MAGI2: variants seen among roughly 807,000 people sequenced by gnomAD.
MAGI2 encodes the protein membrane-associated guanylate kinase, WW and PDZ domain-containing protein 2.
In MAGI2, 35 loss-of-function variants were observed where a neutral mutation model predicts 133.3. The ratio of observed to expected loss-of-function variants is 0.26; its 90% CI spans 0.20 to 0.35. The LOEUF (loss-of-function observed/expected upper bound fraction) is 0.35. Ranked by LOEUF, MAGI2 falls within the 10% of genes least tolerant of loss-of-function variation. MAGI2 has a pLI of 1.00. For synonymous variants in MAGI2, 729 were observed against 710.6 expected, an observed-to-expected ratio of 1.03 and a Z score of -0.41; for missense variants, 1,636 against 1,863.4, an observed-to-expected ratio of 0.88 and a Z score of 2.25.
intron 1 of MAGI2, among the ~76,000 whole-genome samples, chr7:79,267,593 C>T (rs887629546): frequency 1.3e-5 from 2 of 152,138 alleles, no homozygotes; most frequent in Non-Finnish European, 2.9e-5. Context: ...TAAGTTGCTG[C>T]CATACTCTTT....
intron 2 of MAGI2, among the ~76,000 whole-genome samples, chr7:78,924,001 T>C (rs1402021808): frequency 2.6e-5 from 4 of 152,272 alleles, no homozygotes; most frequent in Non-Finnish European, 5.9e-5. Flanking sequence ...TGTTTGTCTG[T>C]TATTGGTGTA....
At chr7:78,089,880 C>T (rs2151213797) in intron 20 of MAGI2, among the ~76,000 whole-genome samples, 1 of 152,278 alleles carries the variant, frequency 6.6e-6, no homozygotes, top group South Asian at 2.1e-4. Flanking sequence ...CAAACACCTC[C>T]CCTCCTGCCC....
intron 2 of MAGI2, among the ~76,000 whole-genome samples, chr7:78,703,507 TAC>T (rs1383430981): frequency 1.3e-5 from 2 of 152,062 alleles, no homozygotes; most frequent in Non-Finnish European, 2.9e-5. Context: ...TGGATACAGA[TAC>T]AGTTTTTCAT....
chr7:79,120,365 A>G (rs1456594640), intron 1 of MAGI2, among the ~76,000 whole-genome samples: 2 of 152,066 alleles, frequency 1.3e-5, no homozygotes, highest in Non-Finnish European at 2.9e-5. Flanking sequence ...TTCAATGGGA[A>G]TGATATGCAA....
chr7:78,654,550 T>C (rs1447754207), intron 2 of MAGI2, among the ~76,000 whole-genome samples: 1 of 151,560 alleles, frequency 6.6e-6, no homozygotes, highest in Non-Finnish European at 1.5e-5. Flanking sequence ...AATGTAATTA[T>C]GCCAACGTTT....
intron 1 of MAGI2, among the ~76,000 whole-genome samples, chr7:79,310,361 G>GGAAGTGGT (rs1197161175): frequency 2.0e-5 from 3 of 151,948 alleles, no homozygotes; most frequent in Admixed American, 1.3e-4. Context: ...AGAGGGAAAG[G>GGAAGTGGT]GAAGTGGTGT....
intron 1 of MAGI2, among the ~76,000 whole-genome samples, chr7:79,152,641 A>G (rs1823365743): frequency 6.6e-6 from 1 of 152,150 alleles, no homozygotes; most frequent in African/African-American, 2.4e-5. Context: ...TTTAAAATAC[A>G]TATATTTTCA....
chr7:78,407,201 G>A (rs1797459165), intron 6 of MAGI2, among the ~76,000 whole-genome samples: 1 of 151,996 alleles, frequency 6.6e-6, no homozygotes, highest in Non-Finnish European at 1.5e-5. Context: ...CCGAAGTCAT[G>A]CAGTCTTTCT....
At chr7:78,795,017 C>G (rs1450916319) in intron 2 of MAGI2, among the ~76,000 whole-genome samples, 1 of 152,118 alleles carries the variant, frequency 6.6e-6, no homozygotes, top group Admixed American at 6.6e-5. Flanking sequence ...GCCACCATGC[C>G]AGGCCACTAT....
intron 9 of MAGI2, among the ~76,000 whole-genome samples, chr7:78,312,783 C>T (rs1272316317): frequency 6.6e-6 from 1 of 151,888 alleles, no homozygotes; most frequent in African/African-American, 2.4e-5. Flanking sequence ...AGCAATCCCA[C>T]TCAAGGGTAT....
At chr7:79,081,992 GA>G (rs994850746) in intron 1 of MAGI2, among the ~76,000 whole-genome samples, 2 of 151,998 alleles carry the variant, frequency 1.3e-5, no homozygotes, top group African/African-American at 4.8e-5. Flanking sequence ...TCTAGGAGTG[GA>G]ATTACCGAGT....
chr7:78,475,907 G>A (rs12705479), intron 6 of MAGI2, among the ~76,000 whole-genome samples: 43,781 of 151,340 alleles, frequency 0.29, 7,262 homozygotes, highest in African/African-American at 0.46. Context: ...AAGTCTTCTC[G>A]GAACATGCCT....
intron 9 of MAGI2, among the ~76,000 whole-genome samples, chr7:78,267,251 A>G (rs1378397309): frequency 6.6e-6 from 1 of 152,302 alleles, no homozygotes; most frequent in Middle Eastern, 3.4e-3. Context: ...TTTCTCCCAT[A>G]TGGATTTCAG....
intron 3 of MAGI2, chr7:78,618,519 A>C (rs1807352376): frequency 6.6e-6 from 1 of 151,980 alleles, no homozygotes; most frequent in South Asian, 2.1e-4. Context: ...GGAGAAATAT[A>C]AGTAAAATTT....
At chr7:79,328,987 G>A (rs748282882) in intron 1 of MAGI2, among the ~76,000 whole-genome samples, 3 of 152,122 alleles carry the variant, frequency 2.0e-5, no homozygotes, top group South Asian at 4.1e-4. Flanking sequence ...GCCCTACTGC[G>A]GATCTACTGA....
At chr7:78,543,724 G>A (rs982806797) in intron 3 of MAGI2, among the ~76,000 whole-genome samples, 3 of 152,164 alleles carry the variant, frequency 2.0e-5, no homozygotes, top group South Asian at 2.1e-4. Context: ...TGGTTCATAA[G>A]CATTCACTAA....
intron 9 of MAGI2, among the ~76,000 whole-genome samples, chr7:78,277,304 A>C (rs941215529): frequency 6.6e-6 from 1 of 152,194 alleles, no homozygotes; most frequent in African/African-American, 2.4e-5. Context: ...TGAAATATTA[A>C]AAATAACCAG....
chr7:78,476,253 T>C (rs1303681377), intron 6 of MAGI2, among the ~76,000 whole-genome samples: 1 of 151,926 alleles, frequency 6.6e-6, no homozygotes, highest in East Asian at 1.9e-4. Flanking sequence ...GCCACTCTTT[T>C]TTGTAGCCTC....
intron 18 of MAGI2, among the ~76,000 whole-genome samples, chr7:78,130,698 A>G (rs2150525166): frequency 6.6e-6 from 1 of 152,320 alleles, no homozygotes; most frequent in East Asian, 1.9e-4. Context: ...GGCTGTTAAT[A>G]TAGTAATGGA....
Sources: gnomAD v4.1 joint callset for allele counts (sites outside exome capture counted in the v4.1 genomes callset) on GRCh38, gnomAD v4.1.1 for gene constraint, MANE v1.5 for transcripts, NCBI Gene and HGNC (gene_info 2026-07-23, HGNC 2026-07-21) for gene names.